The following ASXL2 variants were observed in gnomAD, a reference collection of about 807,000 sequenced individuals.
ASXL2 encodes the protein ASXL transcriptional regulator 2.
Under a neutral mutation model 122.0 loss-of-function variants are expected in ASXL2, and 23 were observed. The ratio of observed to expected loss-of-function variants is 0.19; its 90% confidence interval spans 0.14 to 0.27. ASXL2 has a LOEUF of 0.27. ASXL2 is among the 10% of genes least tolerant of loss of function. The probability of loss-of-function intolerance (pLI) is 1.00; values close to 1 mark genes in which losing one functional copy is unlikely to be tolerated. For synonymous variants in ASXL2, 650 were observed against 637.0 expected, an observed-to-expected ratio of 1.02 and a Z score of -0.31; for missense variants, 1,518 against 1,713.8, an observed-to-expected ratio of 0.89 and a Z score of 2.02.
At chr2:25,762,508 G>C (rs901659090) in intron 8 of ASXL2, among the ~76,000 whole-genome samples, 4 of 151,112 alleles carry the variant, frequency 2.6e-5, no homozygotes. Context: ...TCTACTAAAA[G>C]TAAAAAATTA....
At chr2:25,795,442 TG>T (rs1559513464) in intron 5 of ASXL2, among the ~76,000 whole-genome samples, 1 of 152,238 alleles carries the variant, frequency 6.6e-6, no homozygotes, top group African/African-American at 2.4e-5. Flanking sequence ...GGTTAATTCT[TG>T]GATCTTCCTA....
intron 3 of ASXL2, among the ~76,000 whole-genome samples, chr2:25,819,152 A>G (rs2149180509): frequency 6.6e-6 from 1 of 152,214 alleles, no homozygotes; most frequent in African/African-American, 2.4e-5. Flanking sequence ...TTCCCCAATC[A>G]AGTCTTCAGG....
intron 1 of ASXL2, among the ~76,000 whole-genome samples, chr2:25,873,393 G>A (rs967975052): frequency 3.3e-5 from 5 of 152,116 alleles, no homozygotes; most frequent in Non-Finnish European, 7.3e-5. Flanking sequence ...ACTGACGACA[G>A]AGTGAGACTC....
intron 12 of ASXL2, 62 bp downstream of exon 12, chr2:25,749,634 G>T: frequency 7.5e-7 from 1 of 1,337,628 alleles, no homozygotes; most frequent in Non-Finnish European, 9.9e-7. Context: ...AATTTAGTAG[G>T]TATGACCAAA....
intron 1 of ASXL2, 40 bp downstream of exon 1, chr2:25,878,126 A>G: frequency 6.2e-7 from 1 of 1,612,660 alleles, no homozygotes; most frequent in Non-Finnish European, 8.5e-7. Context: ...ACAAGGGAAC[A>G]AAATCCTCCC....
chr2:25,820,670 T>C (rs1290270796), intron 3 of ASXL2, among the ~76,000 whole-genome samples: 4 of 152,176 alleles, frequency 2.6e-5, no homozygotes, highest in South Asian at 2.1e-4. Flanking sequence ...AACCGGATTA[T>C]GGTGATAATA....
intron 3 of ASXL2, among the ~76,000 whole-genome samples, chr2:25,828,533 A>T (rs957663327): frequency 6.9e-6 from 1 of 145,916 alleles, no homozygotes; most frequent in Non-Finnish European, 1.5e-5. Context: ...AAAAGAAAAG[A>T]TCCTTGTCCA....
intron 5 of ASXL2, among the ~76,000 whole-genome samples, chr2:25,793,576 T>C (rs2088868444): frequency 1.3e-5 from 2 of 152,180 alleles, no homozygotes; most frequent in South Asian, 4.1e-4. Flanking sequence ...CACTGAAGGA[T>C]TGGTAACAAA....
Position 25,767,630 on chromosome 2 carries a change from A to C in ASXL2, c.728T>G (p.Leu243Arg), listed in dbSNP as rs2088373385. ...CTGGAATGACTTCTTCCCCAAGCCT[A>C]GTAAAGTATTTTCCACTTTAACTGA... is the stretch of plus-strand genomic sequence containing the variant. ...SSSVKVENTLLGLGKKSFQRS... is the reference protein window; with the variant it reads ...SSSVKVENTLRGLGKKSFQRS... The change falls in exon 8 of 13, where the codon CTA (leucine) becomes CGA (arginine). Residue 243 changes from leucine to arginine, a missense_variant. Leu to Arg is a moderately radical substitution (Grantham distance 102). Coordinates refer to ENST00000435504, the MANE Select transcript of ASXL2 (RefSeq NM_018263.6). The C allele has an allele frequency of 1.2e-6, 2 of 1,613,968 alleles. No homozygotes were observed. The highest frequency in any genetic ancestry group is 1.7e-6 in the Non-Finnish European group (2 of 1,179,850).
intron 5 of ASXL2, among the ~76,000 whole-genome samples, chr2:25,788,157 C>G (rs1220636557): frequency 6.6e-6 from 1 of 152,056 alleles, no homozygotes; most frequent in Non-Finnish European, 1.5e-5. Flanking sequence ...ATTAAGATAT[C>G]CCTACGGGGT....
At chr2:25,843,356 C>T (rs1201308143) in intron 2 of ASXL2, among the ~76,000 whole-genome samples, 4 of 150,770 alleles carry the variant, frequency 2.7e-5, no homozygotes, top group Non-Finnish European at 5.9e-5. Context: ...CCAGGCTGGT[C>T]TCAAACTCCC....
At chr2:25,842,984 G>A (rs1161318924) in intron 2 of ASXL2, among the ~76,000 whole-genome samples, 1 of 138,188 alleles carries the variant, frequency 7.2e-6, no homozygotes, top group African/African-American at 2.7e-5. Context: ...ACCACACCTG[G>A]CTAATTTTTT....
In ASXL2 at chr2:25,860,453, C is replaced by A. The variant is rs182363678; in HGVS notation, c.58-14890G>T. On this transcript the variant is annotated intron_variant, in intron 1 of 12. Coordinates refer to ENST00000435504, the MANE Select transcript of ASXL2 (RefSeq NM_018263.6). ...AGATCTGGCTGGGTGCGGTGGCTCA[C>A]GCCTGTAATCCCAGCACTTTGGGAA... Among the ~76,000 whole-genome samples, 5 of 151,850 alleles carry A rather than the reference C, an allele frequency of 3.3e-5. No homozygotes were observed. The South Asian group carries it at 1.0e-3, about 32-fold the overall frequency.
At chr2:25,757,216 T>C (rs967229812) in intron 9 of ASXL2, among the ~76,000 whole-genome samples, 2 of 152,166 alleles carry the variant, frequency 1.3e-5, no homozygotes, top group African/African-American at 2.4e-5. Flanking sequence ...CTAAATTTCA[T>C]CTGACAGTAG....
At position 25,779,974 on chromosome 2, in the gene ASXL2, T is replaced by C. The variant is rs536573145; in HGVS notation, c.404-8434A>G. On this transcript the variant is annotated intron_variant, in intron 5 of 12. Transcript: ENST00000435504. ...CCTCTGCCTCCCAGGTTCAAGCAATTCTCCTGCCTCAGCCTCCTGAGTAGC... is the reference window on the plus strand; with the variant it reads ...CCTCTGCCTCCCAGGTTCAAGCAATCCTCCTGCCTCAGCCTCCTGAGTAGC... Among the ~76,000 whole-genome samples the C allele has an allele frequency of 1.2e-4, 18 of 152,270 alleles. No individual in the cohort carries two copies. In the South Asian group the frequency reaches 3.7e-3, roughly 32 times the overall value.
At chr2:25,761,277 G>T (rs1407672906) in intron 8 of ASXL2, among the ~76,000 whole-genome samples, 2 of 152,146 alleles carry the variant, frequency 1.3e-5, no homozygotes, top group Non-Finnish European at 2.9e-5. Flanking sequence ...TTCCAAAGAG[G>T]ACAGAAAGAA....
chr2:25,799,656 A>G (rs2149171303), intron 4 of ASXL2, 121 bp from the exon 5 acceptor site: 3 of 1,130,206 alleles, frequency 2.7e-6, no homozygotes, highest in East Asian at 5.0e-5. Context: ...AGGATTCAGT[A>G]GCAGAACCAG....
At position 25,845,753 on chromosome 2, in the gene ASXL2, C is replaced by A. The variant is rs975576493; in HGVS notation, c.58-190G>T. 6.6e-6 allele frequency among the ~76,000 whole-genome samples: 1 copy of A among 152,132 alleles called. No homozygotes were observed. The highest frequency in any genetic ancestry group is 2.4e-5 in the African/African-American group (1 of 41,418). On this transcript the variant is annotated intron_variant, in intron 1 of 12. Coordinates refer to ENST00000435504, the MANE Select transcript of ASXL2 (RefSeq NM_018263.6). Reference sequence around the variant, plus strand: ...CACTACCTGTGACCTACTGCAAGCACATTAAGATTATCCATTTCCTGGTAA... The same window carrying A: ...CACTACCTGTGACCTACTGCAAGCAAATTAAGATTATCCATTTCCTGGTAA...
At chr2:25,796,695 G>A (rs759292523) in intron 5 of ASXL2, among the ~76,000 whole-genome samples, 1 of 152,194 alleles carries the variant, frequency 6.6e-6, no homozygotes, top group Non-Finnish European at 1.5e-5. Context: ...AAGGAGGGTT[G>A]TTAGAGCATT....
Sources: allele counts gnomAD v4.1 joint callset (sites outside exome capture counted in the v4.1 genomes callset), GRCh38; gene constraint gnomAD v4.1.1; transcripts MANE v1.5; gene names NCBI Gene and HGNC (gene_info 2026-07-23, HGNC 2026-07-21).